The following TENM3 variants were observed in gnomAD, a reference collection of about 807,000 sequenced individuals.
TENM3 encodes the protein teneurin transmembrane protein 3.
Under a neutral mutation model 255.1 loss-of-function variants are expected in TENM3, and 63 were observed. The observed-to-expected ratio is 0.25, with a 90% CI of 0.20 to 0.30. The LOEUF (loss-of-function observed/expected upper bound fraction) is 0.30, where lower values mean the gene tolerates loss of function less well. TENM3 is among the 10% of genes least tolerant of loss of function. The pLI, the probability that TENM3 is intolerant of heterozygous loss-of-function variation, is 1.00. For synonymous variants in TENM3, 1,306 were observed against 1,322.3 expected (o/e 0.99, Z 0.27); for missense variants, 2,929 against 3,461.1 (o/e 0.85, Z 3.86).
chr4:182,252,034 C>T (rs1758046121), intron 1 of TENM3, among the ~76,000 whole-genome samples: 1 of 151,896 alleles, frequency 6.6e-6, no homozygotes, highest in Non-Finnish European at 1.5e-5. Flanking sequence ...AATACAAAAA[C>T]TTGCTGGGTG....
intron 3 of TENM3, among the ~76,000 whole-genome samples, chr4:182,523,979 T>C (rs1246824475): frequency 6.6e-6 from 1 of 152,178 alleles, no homozygotes; most frequent in Non-Finnish European, 1.5e-5. Context: ...ATAACCAGTT[T>C]AGAGGGAAGA....
chr4:182,198,721 C>G (rs1434214656), intron 1 of TENM3, among the ~76,000 whole-genome samples: 1 of 152,170 alleles, frequency 6.6e-6, no homozygotes, highest in Non-Finnish European at 1.5e-5. Context: ...GTTTTCAGCT[C>G]CTGGCTCAGG....
At chr4:182,600,557 AGGG>A (rs1203509103) in intron 3 of TENM3, among the ~76,000 whole-genome samples, 1 of 152,190 alleles carries the variant, frequency 6.6e-6, no homozygotes, top group East Asian at 1.9e-4. Context: ...ATTTAATTTC[AGGG>A]TTGGTTTGTT....
chr4:181,710,841 G>A, the TENM3 span, among the ~76,000 whole-genome samples: 23 of 148,826 alleles, frequency 1.5e-4, no homozygotes, highest in African/African-American at 3.5e-4. Context: ...GAGCCACCGC[G>A]CCCGGCCGAG....
chr4:182,675,989 T>C (rs1293073297), intron 7 of TENM3, among the ~76,000 whole-genome samples: 1 of 152,252 alleles, frequency 6.6e-6, no homozygotes. Flanking sequence ...ACGGTTATTA[T>C]AGTTTCTTCC....
chr4:182,512,446 C>T (rs1315966456), intron 3 of TENM3, among the ~76,000 whole-genome samples: 1 of 152,170 alleles, frequency 6.6e-6, no homozygotes, highest in Non-Finnish European at 1.5e-5. Flanking sequence ...TGTCATGTTA[C>T]ATCACTAATA....
intron 3 of TENM3, among the ~76,000 whole-genome samples, chr4:182,350,558 G>A (rs1045368783): frequency 1.3e-5 from 2 of 152,158 alleles, no homozygotes; most frequent in African/African-American, 4.8e-5. Flanking sequence ...CCTACTAACA[G>A]CAGTTTGAGT....
chr4:182,639,178 A>T (rs993316950), intron 5 of TENM3, among the ~76,000 whole-genome samples: 2 of 152,246 alleles, frequency 1.3e-5, no homozygotes, highest in Admixed American at 1.3e-4. Context: ...GACAAGATAT[A>T]ATTTGAAATT....
chr4:181,665,432 A>G, the TENM3 span, among the ~76,000 whole-genome samples: 23 of 152,204 alleles, frequency 1.5e-4, no homozygotes, highest in Non-Finnish European at 2.5e-4. Flanking sequence ...TACATATTTA[A>G]GCATCAGTAC....
At chr4:182,765,887 A>G (rs1452540183) in intron 22 of TENM3, among the ~76,000 whole-genome samples, 1 of 152,228 alleles carries the variant, frequency 6.6e-6, no homozygotes, top group Non-Finnish European at 1.5e-5. Context: ...CAAAAGAAAT[A>G]ACACTTAACA....
intron 3 of TENM3, among the ~76,000 whole-genome samples, chr4:182,478,526 AT>A (rs1484612381): frequency 2.0e-5 from 3 of 151,686 alleles, no homozygotes; most frequent in African/African-American, 7.3e-5. Context: ...ATTTTTCAAG[AT>A]TTTTTTGTAG....
chr4:182,149,841 A>G (rs1310448442), intron 1 of TENM3, among the ~76,000 whole-genome samples: 1 of 152,062 alleles, frequency 6.6e-6, no homozygotes, highest in Non-Finnish European at 1.5e-5. Flanking sequence ...TACTATTATT[A>G]CTTACTATTT....
At chr4:181,888,891 G>A in the TENM3 span, among the ~76,000 whole-genome samples, 8 of 151,542 alleles carry the variant, frequency 5.3e-5, no homozygotes, top group Non-Finnish European at 7.4e-5. Context: ...CCACATTTTT[G>A]TTCTATTTGG....
chr4:181,578,357 G>C, the TENM3 span, among the ~76,000 whole-genome samples: 1 of 152,122 alleles, frequency 6.6e-6, no homozygotes, highest in African/African-American at 2.4e-5. Flanking sequence ...CTTTCTCCCT[G>C]CTCCCTGAGA....
the TENM3 span, among the ~76,000 whole-genome samples, chr4:181,779,543 A>C: frequency 6.6e-6 from 1 of 152,146 alleles, no homozygotes; most frequent in East Asian, 1.9e-4. Flanking sequence ...TTTATATTAT[A>C]ATTTTTGATT....
intron 3 of TENM3, among the ~76,000 whole-genome samples, chr4:182,590,656 A>G (rs1746540746): frequency 6.6e-6 from 1 of 151,742 alleles, no homozygotes; most frequent in South Asian, 2.1e-4. Context: ...TGAAGAGATC[A>G]AGACCATCCT....
the TENM3 span, among the ~76,000 whole-genome samples, chr4:181,998,223 C>G: frequency 6.6e-3 from 1,005 of 152,240 alleles, 12 homozygotes; most frequent in African/African-American, 0.023. Flanking sequence ...TGATGACTGC[C>G]TACTGATCCA....
At chr4:181,489,348 T>C in the TENM3 span, among the ~76,000 whole-genome samples, 3 of 152,194 alleles carry the variant, frequency 2.0e-5, no homozygotes, top group Admixed American at 6.5e-5. Context: ...AGAAACCAGA[T>C]TGGACTTTTA....
the TENM3 span, among the ~76,000 whole-genome samples, chr4:182,037,276 T>C: frequency 6.6e-6 from 1 of 151,990 alleles, no homozygotes; most frequent in East Asian, 1.9e-4. Context: ...GGCTCCTGAG[T>C]AGCTGGGACT....
Sources: gnomAD v4.1 joint callset for allele counts (sites outside exome capture counted in the v4.1 genomes callset) on GRCh38, gnomAD v4.1.1 for gene constraint, MANE v1.5 for transcripts, NCBI Gene and HGNC (gene_info 2026-07-23, HGNC 2026-07-21) for gene names.